Variants in PKP4 observed in about 807,000 individuals in gnomAD.
The protein encoded by PKP4 is plakophilin 4.
A neutral mutation model predicts 145.1 loss-of-function variants in PKP4; 90 were observed. The ratio of observed to expected loss-of-function variants is 0.62; its 90% confidence interval spans 0.52 to 0.74. PKP4 has a LOEUF of 0.74. Among genes scored for constraint, PKP4 ranks in the 30% least tolerant of loss-of-function variants. The pLI, the probability that PKP4 is intolerant of heterozygous loss-of-function variation, is 0.00. For missense variants in PKP4, 1,340 were observed against 1,482.7 expected (o/e 0.90, Z 1.58); for synonymous variants, 563 against 577.2 (o/e 0.98, Z 0.35).
intron 2 of PKP4, among the ~76,000 whole-genome samples, chr2:158,544,611 G>C (rs2044813968): frequency 6.6e-6 from 1 of 152,120 alleles, no homozygotes; most frequent in Non-Finnish European, 1.5e-5. Flanking sequence ...CAAGGGTAAT[G>C]AATTTGCTTC....
chr2:158,508,458 G>A (rs1181558605), intron 1 of PKP4, among the ~76,000 whole-genome samples: 1 of 151,754 alleles, frequency 6.6e-6, no homozygotes, highest in Non-Finnish European at 1.5e-5. Flanking sequence ...AACTCCCATG[G>A]ACAATTCTAG....
chr2:158,672,997 C>A (rs1459560002), intron 17 of PKP4, among the ~76,000 whole-genome samples: 3 of 152,206 alleles, frequency 2.0e-5, no homozygotes, highest in African/African-American at 7.2e-5. Flanking sequence ...ATGTAGAGAT[C>A]TGAGGGCCTT....
chr2:158,468,770 CTTTTTT>C (rs58577988), intron 1 of PKP4, among the ~76,000 whole-genome samples: 1 of 109,968 alleles, frequency 9.1e-6, no homozygotes, highest in Non-Finnish European at 1.8e-5. Context: ...TCTTCTTCTT[CTTTTTT>C]TTTTTTTTTT....
chr2:158,507,649 G>A (rs1229721240), intron 1 of PKP4, among the ~76,000 whole-genome samples: 1 of 152,098 alleles, frequency 6.6e-6, no homozygotes, highest in Admixed American at 6.5e-5. Context: ...AAGAATTTCA[G>A]TTCTTTTGTG....
chr2:158,506,453 C>T (rs1353474746), intron 1 of PKP4, among the ~76,000 whole-genome samples: 1 of 152,160 alleles, frequency 6.6e-6, no homozygotes, highest in Non-Finnish European at 1.5e-5. Context: ...TTTGAAGCTG[C>T]TGTTTTCATT....
chr2:158,507,651 TC>T (rs1322871590), intron 1 of PKP4, among the ~76,000 whole-genome samples: 3 of 152,186 alleles, frequency 2.0e-5, no homozygotes, highest in Non-Finnish European at 4.4e-5. Flanking sequence ...GAATTTCAGT[TC>T]TTTTGTGACC....
chr2:158,525,673 C>A (rs1384000969), intron 1 of PKP4, among the ~76,000 whole-genome samples: 1 of 130,006 alleles, frequency 7.7e-6, no homozygotes, highest in African/African-American at 3.0e-5. Flanking sequence ...GAAAACCCTT[C>A]AAAAAATCAA....
intron 2 of PKP4, among the ~76,000 whole-genome samples, chr2:158,576,064 G>A (rs2047820707): frequency 2.0e-5 from 3 of 152,112 alleles, no homozygotes; most frequent in South Asian, 4.1e-4. Context: ...CACACCAGTT[G>A]GGATCATTAG....
intron 20 of PKP4, among the ~76,000 whole-genome samples, chr2:158,677,987 A>G (rs2058152250): frequency 6.6e-6 from 1 of 152,246 alleles, no homozygotes. Context: ...TAACATCATC[A>G]GGAGTCTACT....
chr2:158,470,391 C>T (rs1301673894), intron 1 of PKP4, among the ~76,000 whole-genome samples: 3 of 152,154 alleles, frequency 2.0e-5, no homozygotes, highest in Non-Finnish European at 4.4e-5. Flanking sequence ...AGTTTCTACT[C>T]ATTGTTCTCT....
chr2:158,546,673 TA>T (rs2045073368), intron 2 of PKP4, among the ~76,000 whole-genome samples: 1 of 152,124 alleles, frequency 6.6e-6, no homozygotes, highest in African/African-American at 2.4e-5. Flanking sequence ...AAGATAAGCA[TA>T]GAAAAACAGC....
chr2:158,546,896 T>C (rs946014424), intron 2 of PKP4, among the ~76,000 whole-genome samples: 10 of 152,060 alleles, frequency 6.6e-5, no homozygotes, highest in Non-Finnish European at 1.5e-4. Flanking sequence ...AAGTAGAAGG[T>C]ACACACACTG....
intron 1 of PKP4, among the ~76,000 whole-genome samples, chr2:158,470,259 G>T (rs1691340012): frequency 6.6e-6 from 1 of 152,092 alleles, no homozygotes. Flanking sequence ...CTAACCTTCA[G>T]TGGCTCTCCA....
At chr2:158,480,393 C>T (rs1189034154) in intron 1 of PKP4, among the ~76,000 whole-genome samples, 1 of 152,040 alleles carries the variant, frequency 6.6e-6, no homozygotes, top group Non-Finnish European at 1.5e-5. Context: ...CCCACCACCA[C>T]GCCCAGCTAA....
chr2:158,578,063 T>C (rs1048437823), intron 3 of PKP4: 4 of 167,416 alleles, frequency 2.4e-5, no homozygotes, highest in African/African-American at 9.6e-5. Context: ...GTAAAATGCT[T>C]TCATTGCTTG....
intron 3 of PKP4, among the ~76,000 whole-genome samples, chr2:158,593,705 A>G (rs937770269): frequency 2.0e-5 from 3 of 152,184 alleles, no homozygotes; most frequent in Non-Finnish European, 4.4e-5. Flanking sequence ...GAGGCTGATC[A>G]TGATATTGTT....
chr2:158,523,369 C>T (rs2042616425), intron 1 of PKP4, among the ~76,000 whole-genome samples: 1 of 122,246 alleles, frequency 8.2e-6, no homozygotes, highest in Non-Finnish European at 1.7e-5. Context: ...CCAGCAGGGG[C>T]ACACTGACAC....
intron 3 of PKP4, among the ~76,000 whole-genome samples, chr2:158,601,653 G>A (rs1356498297): frequency 1.3e-5 from 2 of 152,172 alleles, no homozygotes; most frequent in African/African-American, 2.4e-5. Flanking sequence ...GAGGAGATTA[G>A]CATTAACTGA....
chr2:158,574,264 C>T (rs2047655651), intron 2 of PKP4, among the ~76,000 whole-genome samples: 1 of 152,148 alleles, frequency 6.6e-6, no homozygotes, highest in Non-Finnish European at 1.5e-5. Context: ...CTGACAAGTG[C>T]TTTTAACATT....
Sources: gnomAD v4.1 joint callset for allele counts (sites outside exome capture counted in the v4.1 genomes callset) on GRCh38, gnomAD v4.1.1 for gene constraint, MANE v1.5 for transcripts, NCBI Gene and HGNC (gene_info 2026-07-23, HGNC 2026-07-21) for gene names.